CACNG8: variants seen among roughly 807,000 people sequenced by gnomAD.
CACNG8 encodes voltage-dependent calcium channel gamma-8 subunit.
In CACNG8, 5 loss-of-function variants were observed where a neutral mutation model predicts 26.9. The observed-to-expected ratio is 0.19, with a 90% CI of 0.10 to 0.39. The LOEUF (loss-of-function observed/expected upper bound fraction) is 0.39. CACNG8 is among the 10% of genes least tolerant of loss of function. The pLI, the probability that CACNG8 is intolerant of heterozygous loss-of-function variation, is 1.00. For missense variants in CACNG8, 473 were observed against 609.4 expected (o/e 0.78, Z 2.36); for synonymous variants, 321 against 296.7 (o/e 1.08, Z -0.84).
chr19:53,974,598 C>T (rs1422425328), intron 1 of CACNG8, among the ~76,000 whole-genome samples: 2 of 151,802 alleles, frequency 1.3e-5, no homozygotes, highest in Non-Finnish European at 2.9e-5. Flanking sequence ...CCAATTTCTC[C>T]ACATCCTTCA....
intron 1 of CACNG8, among the ~76,000 whole-genome samples, chr19:53,971,860 G>A (rs74337642): frequency 0.071 from 10,833 of 152,210 alleles, 433 homozygotes; most frequent in African/African-American, 0.11. Flanking sequence ...CTTAACCCTT[G>A]CATGCCCGGG....
At chr19:53,963,456 C>T (rs2069254791) in intron 1 of CACNG8, 31 bp downstream of exon 1, 2 of 1,426,066 alleles carry the variant, frequency 1.4e-6, no homozygotes, top group Admixed American at 5.7e-5. Flanking sequence ...CCCGCAGCCC[C>T]CGCCGCTCCC....
intron 1 of CACNG8, among the ~76,000 whole-genome samples, chr19:53,976,900 C>T (rs1404488028): frequency 1.3e-5 from 2 of 152,070 alleles, no homozygotes; most frequent in Non-Finnish European, 2.9e-5. Context: ...CTTGAACTCC[C>T]GACCTCAAGT....
At position 53,977,334 on chromosome 19, in the gene CACNG8, T is replaced by C. The variant is rs79616759; in HGVS notation, c.284-812T>C. Among the ~76,000 whole-genome samples the C allele has an allele frequency of 8.1e-3, 1,238 of 152,332 alleles. 21 individuals carry two copies. Among genetic ancestry groups the C allele is most frequent in the African/African-American group, 0.028 (1,169 of 41,560 alleles). ...TGCAGAACTGGACAGAGCTGGGCAG[T>C]TGAGGAAACTACATTGTTTATACTT... On this transcript the variant is annotated intron_variant, in intron 1 of 3. Transcript: ENST00000270458.
intron 3 of CACNG8, among the ~76,000 whole-genome samples, chr19:53,981,176 T>G (rs1263718326): frequency 6.6e-6 from 1 of 152,028 alleles, no homozygotes; most frequent in Admixed American, 6.6e-5. Flanking sequence ...ATTAGATAAG[T>G]GAAAGGCAGG....
In CACNG8 at chr19:53,982,859, G is replaced by C; in HGVS notation, c.*10G>C. 7.7e-7 allele frequency: 1 copy of C among 1,301,326 alleles called. No individual in the cohort carries two copies. Among genetic ancestry groups the C allele is most frequent in the Non-Finnish European group, 9.8e-7 (1 of 1,022,888 alleles). 80.6% of individuals were successfully genotyped at this position (1,301,326 alleles called of 1,614,324 possible). On this transcript the variant is annotated 3_prime_UTR_variant, in exon 4 of 4. Coordinates refer to ENST00000270458, the MANE Select transcript of CACNG8 (RefSeq NM_031895.6). This position sits in a 1 kb window ranked among gnomAD's most constrained non-coding sequence, Gnocchi z 8.4. ...AACCACGCCTGTGTAGGGGCGCGGC[G>C]GGGGAGCCGAGGGGCGTGTCCGGGG...
At chr19:53,975,168 C>T (rs1016722187) in intron 1 of CACNG8, among the ~76,000 whole-genome samples, 1 of 151,844 alleles carries the variant, frequency 6.6e-6, no homozygotes, top group Non-Finnish European at 1.5e-5. Flanking sequence ...AGGATGGTCT[C>T]GATTCTCTTG....
chr19:53,974,097 C>T (rs574095916), intron 1 of CACNG8, among the ~76,000 whole-genome samples: 38 of 151,536 alleles, frequency 2.5e-4, no homozygotes, highest in African/African-American at 8.7e-4. Flanking sequence ...ACTCAGTACC[C>T]GTTAAATAAC....
chr19:53,982,757 C>CCCGCGCCCT lies in CACNG8; in HGVS notation c.1188_1196dup (p.Ser399_Pro401dup), dbSNP rs763012561. 11 of 1,240,874 alleles carry CCCGCGCCCT rather than the reference C, an allele frequency of 8.9e-6. No individual in the cohort carries two copies. In the South Asian group the frequency reaches 2.7e-4, roughly 30 times the overall value. The allele number at this position is 1,240,874 out of a possible 1,614,324, so 76.9% of individuals were successfully genotyped here. ...GCCCGCCCCGCCCGCGCCCGCGCCACCCGCGCCCTCTGCGCCCGCCCCCGG... is the reference window on the plus strand; with the variant it reads ...GCCCGCCCCGCCCGCGCCCGCGCCACCCGCGCCCTCCGCGCCCTCTGCGCCCGCCCCCGG... On this transcript the variant is annotated inframe_insertion, in exon 4 of 4. Transcript: ENST00000270458. The surrounding 1 kb of genome is among the most constrained non-coding windows in gnomAD (Gnocchi z 8.4).
chr19:53,972,930 C>G (rs2069311109), intron 1 of CACNG8, among the ~76,000 whole-genome samples: 1 of 152,126 alleles, frequency 6.6e-6, no homozygotes, highest in East Asian at 1.9e-4. Context: ...ATCACTCACC[C>G]CCAATAGGGC....
intron 1 of CACNG8, among the ~76,000 whole-genome samples, chr19:53,970,381 T>C (rs1246080911): frequency 1.3e-5 from 2 of 148,244 alleles, no homozygotes; most frequent in African/African-American, 5.0e-5. Context: ...TCCCAGCACT[T>C]TGGGAGGCTG....
chr19:53,978,627 C>T (rs1319316174), intron 2 of CACNG8, among the ~76,000 whole-genome samples: 6 of 151,520 alleles, frequency 4.0e-5, no homozygotes, highest in South Asian at 4.2e-4. Context: ...CCTGTATTGC[C>T]ATTGGTAGCT....
rs2069378279 is a variant in CACNG8, at chr19:53,982,603, G to GGGC, written c.1041_1043dup (p.Gly352dup). ...TCGGCGGCGCGGCCGGGGGCGCCGG[G>GGGC]GGCGGCGGCGGAGGCGGCGGCGGGG... is the stretch of plus-strand genomic sequence containing the variant. On this transcript the variant is annotated inframe_insertion, in exon 4 of 4. Coordinates refer to ENST00000270458, the MANE Select transcript of CACNG8 (RefSeq NM_031895.6). This position sits in a 1 kb window ranked among gnomAD's most constrained non-coding sequence, Gnocchi z 8.4. The GGGC allele has an allele frequency of 7.2e-6, 7 of 969,208 alleles. No homozygotes were observed. Among genetic ancestry groups the GGGC allele is most frequent in the South Asian group, 9.1e-5 (2 of 21,894 alleles). 60.0% of individuals were successfully genotyped at this position (969,208 alleles called of 1,614,324 possible). A position where few individuals can be genotyped will look rare whatever the true frequency, so the allele number is the denominator to read the frequency against.
Position 53,975,869 on chromosome 19 carries a change from T to C in CACNG8, c.284-2277T>C, listed in dbSNP as rs182200243. 1.5e-3 allele frequency among the ~76,000 whole-genome samples: 230 copies of C among 152,312 alleles called. 1 individual carries two copies. The highest frequency in any genetic ancestry group is 1.2e-3 in the East Asian group (6 of 5,182). ...TTTCTCAGTTTCCACGTTTGGGTAA[T>C]GGGTGCTATACATCAGCTGCTATCA... On this transcript the variant is annotated intron_variant, in intron 1 of 3. Coordinates refer to ENST00000270458, the MANE Select transcript of CACNG8 (RefSeq NM_031895.6).
chr19:53,982,139 C>T lies in CACNG8; in HGVS notation c.568C>T (p.Pro190Ser). The T allele has an allele frequency of 5.0e-6, 8 of 1,611,438 alleles. No homozygotes were observed. The highest frequency in any genetic ancestry group is 6.8e-6 in the Non-Finnish European group (8 of 1,178,848). ...CTCCGCCAACGCGGGCGAGCCGGGC[C>T]CGAAGCGGGACGAGGAGAAGAAAAA... The change falls in exon 4 of 4, where the codon CCG becomes TCG. Residue 190 changes from proline (P) to serine (S), a missense_variant. Coordinates refer to ENST00000270458, the MANE Select transcript of CACNG8 (RefSeq NM_031895.6). This position sits in a 1 kb window ranked among gnomAD's most constrained non-coding sequence, Gnocchi z 8.4.
In CACNG8 at chr19:53,982,020, C is replaced by CG; in HGVS notation, c.509-55dup. 9.2e-7 allele frequency: 1 copy of CG among 1,087,562 alleles called. No homozygotes were observed. The highest frequency in any genetic ancestry group is 1.2e-6 in the Non-Finnish European group (1 of 860,422). 67.4% of individuals were successfully genotyped at this position (1,087,562 alleles called of 1,614,324 possible). A position where few individuals can be genotyped will look rare whatever the true frequency, so the allele number is the denominator to read the frequency against. On this transcript the variant is annotated intron_variant, in intron 3 of 3. Coordinates refer to ENST00000270458, the MANE Select transcript of CACNG8 (RefSeq NM_031895.6). The surrounding 1 kb of genome is among the most constrained non-coding windows in gnomAD (Gnocchi z 8.4). ...GGCGCAGGCGGGCAGGGGTCGGGGC[C>CG]GGGGGCGGGGGCGGGGCCGGGGGTG...
Position 53,982,704 on chromosome 19 carries a change from G to C in CACNG8, c.1133G>C (p.Gly378Ala). ...AACGCCTTCCCCAAGGAGGCGGGCG[G>C]CGGCGTCACGGTCACGGTCACCGGG... Residue 378 changes from glycine (G) to alanine (A), a missense_variant, in exon 4 of 4, where the codon GGC (glycine) becomes GCC (alanine). Gly to Ala is a moderately conservative substitution (Grantham distance 60). Transcript: ENST00000270458. This position sits in a 1 kb window ranked among gnomAD's most constrained non-coding sequence, Gnocchi z 8.4. 8.7e-7 allele frequency: 1 copy of C among 1,151,058 alleles called. No individual in the cohort carries two copies. The highest frequency in any genetic ancestry group is 1.1e-6 in the Non-Finnish European group (1 of 941,528). The allele number at this position is 1,151,058 out of a possible 1,614,324, so 71.3% of individuals were successfully genotyped here.
chr19:53,982,026 CG>C lies in CACNG8; in HGVS notation c.509-49del, dbSNP rs1184556073. The C allele has an allele frequency of 1.5e-4, 155 of 1,007,260 alleles. No individual in the cohort carries two copies. Among genetic ancestry groups the C allele is most frequent in the Non-Finnish European group, 1.8e-4 (145 of 791,418 alleles). 62.4% of individuals were successfully genotyped at this position (1,007,260 alleles called of 1,614,324 possible). On this transcript the variant is annotated intron_variant, in intron 3 of 3. Coordinates refer to ENST00000270458, the MANE Select transcript of CACNG8 (RefSeq NM_031895.6). This position sits in a 1 kb window ranked among gnomAD's most constrained non-coding sequence, Gnocchi z 8.4. ...GGCGGGCAGGGGTCGGGGCCGGGGG[CG>C]GGGGCGGGGCCGGGGGTGGCCTCGA...
intron 1 of CACNG8, among the ~76,000 whole-genome samples, chr19:53,967,390 G>A (rs1410045494): frequency 2.0e-5 from 3 of 152,144 alleles, no homozygotes; most frequent in Non-Finnish European, 4.4e-5. Flanking sequence ...TCTGGACAGA[G>A]GTCAGCACAG....
Sources: allele counts gnomAD v4.1 joint callset (sites outside exome capture counted in the v4.1 genomes callset), GRCh38; gene constraint gnomAD v4.1.1; non-coding constraint Gnocchi (gnomAD v3.1); transcripts MANE v1.5; gene names NCBI Gene and HGNC (gene_info 2026-07-23, HGNC 2026-07-21).